Variants in COPA observed in about 807,000 individuals in gnomAD.
COPA encodes the protein coat protein complex I subunit alpha.
COPA carries 10 observed loss-of-function variants against 158.7 expected under a neutral mutation model. That is an observed-to-expected ratio of 0.06 (90% CI 0.04 to 0.11). The LOEUF (loss-of-function observed/expected upper bound fraction) is 0.11. Ranked by LOEUF, COPA falls within the 10% of genes least tolerant of loss-of-function variation. The probability of loss-of-function intolerance (pLI) is 1.00; values close to 1 mark genes in which losing one functional copy is unlikely to be tolerated. For synonymous variants in COPA, 462 were observed against 542.8 expected (o/e 0.85, Z 2.07); for missense variants, 1,065 against 1,536.7 (o/e 0.69, Z 5.13).
At chr1:160,329,319 T>G (rs1331355148) in intron 6 of COPA, among the ~76,000 whole-genome samples, 2 of 152,138 alleles carry the variant, frequency 1.3e-5, no homozygotes, top group Admixed American at 1.3e-4. Context: ...ATTCTTACTA[T>G]CACATAAATA....
chr1:160,318,481 A>AC (rs1557870017), intron 8 of COPA, among the ~76,000 whole-genome samples: 7 of 67,216 alleles, frequency 1.0e-4, no homozygotes, highest in South Asian at 6.5e-4. Context: ...AAAAAAAAAA[A>AC]AAAAAAAAAA....
chr1:160,311,778 T>A lies in COPA; in HGVS notation c.1076+90A>T, dbSNP rs1658975527. On this transcript the variant is annotated intron_variant, in intron 11 of 32. Coordinates refer to ENST00000241704, the MANE Select transcript of COPA (RefSeq NM_004371.4). ...AAATTAAATAAATAAAATAAATAAATGAAAGAAAGAAAAGAAGAGTCTTGT... is the reference window on the plus strand; with the variant it reads ...AAATTAAATAAATAAAATAAATAAAAGAAAGAAAGAAAAGAAGAGTCTTGT... 5.0e-6 allele frequency: 6 copies of A among 1,204,350 alleles called. 1 individual carries two copies. The South Asian group carries it at 1.1e-4, about 23-fold the overall frequency. 74.6% of individuals were successfully genotyped at this position (1,204,350 alleles called of 1,614,324 possible).
At chr1:160,311,761 TAAATA>T (rs1429637360) in intron 11 of COPA, 102 bp downstream of exon 11, 7 of 1,111,514 alleles carry the variant, frequency 6.3e-6, no homozygotes, top group Non-Finnish European at 8.1e-6. Context: ...AAAAATTAAA[TAAATA>T]AAATAAATAA....
In COPA at chr1:160,333,677, T is replaced by C. The variant is rs757452633; in HGVS notation, c.312A>G (p.Glu104=). The change falls in exon 5 of 33, where the codon GAA becomes GAG. Residue 104 remains glutamate, a splice_region_variant and synonymous_variant. Transcript: ENST00000241704. ...CGGAGGCACTCAGAATCCAGGGATA[T>C]TCCTGAAAGATATTCCAGACAAAGG... ...DYIRTTFFHH[E]YPWILSASDD... 15 of 1,611,166 alleles carry C rather than the reference T, an allele frequency of 9.3e-6. No homozygotes were observed. The Admixed American group carries it at 2.3e-4, about 25-fold the overall frequency.
At chr1:160,305,961 C>A in intron 15 of COPA, 188 bp from the exon 16 acceptor site, 1 of 614,110 alleles carries the variant, frequency 1.6e-6, no homozygotes, top group Non-Finnish European at 2.9e-6. Context: ...TCACATTGTG[C>A]ACTTACCCCT....
intron 17 of COPA, among the ~76,000 whole-genome samples, chr1:160,301,329 T>C (rs1023989296): frequency 7.2e-5 from 11 of 151,984 alleles, no homozygotes; most frequent in African/African-American, 1.9e-4. Context: ...TGGAGCAGTA[T>C]GGATTTCAGA....
chr1:160,340,346 C>A (rs753397665), intron 1 of COPA, 52 bp from the exon 2 acceptor site: 8 of 1,129,616 alleles, frequency 7.1e-6, no homozygotes, highest in Non-Finnish European at 1.1e-5. Flanking sequence ...CATGATGTCA[C>A]CTTCTGTCAA....
chr1:160,298,031 A>T (rs1658470780), intron 19 of COPA, among the ~76,000 whole-genome samples: 1 of 152,028 alleles, frequency 6.6e-6, no homozygotes, highest in Non-Finnish European at 1.5e-5. Flanking sequence ...TACAAAAAAA[A>T]TTAGCTGGGA....
chr1:160,304,815 A>G (rs935336370), intron 17 of COPA, among the ~76,000 whole-genome samples: 1 of 152,224 alleles, frequency 6.6e-6, no homozygotes, highest in Non-Finnish European at 1.5e-5. Flanking sequence ...TTGTTCATAC[A>G]AGCCAAAAAC....
rs757736121 is a variant in COPA, at chr1:160,290,631, T to A, written c.3476A>T (p.Asn1159Ile). 2 of 1,614,202 alleles carry A rather than the reference T, an allele frequency of 1.2e-6. No individual in the cohort carries two copies. Among genetic ancestry groups the A allele is most frequent in the East Asian group, 4.5e-5 (2 of 44,890 alleles). Residue 1159 changes from asparagine (N) to isoleucine (I), a missense_variant, in exon 32 of 33, where the codon AAT becomes ATT. This residue lies in a region of COPA where 980 missense variants were observed against 1,357.8 expected (regional missense o/e 0.72). Transcript: ENST00000241704. ...GTCAAAGGGGTTGTGCATGTCATAA[T>A]TGAGCTGGTAGGCATCTGTGGGATT... ...EKNPTDAYQLNYDMHNPFDIC... is the reference protein window; with the variant it reads ...EKNPTDAYQLIYDMHNPFDIC...
At chr1:160,297,808 C>G (rs1282648290) in intron 19 of COPA, 63 bp from the exon 20 acceptor site, 32 of 1,518,462 alleles carry the variant, frequency 2.1e-5, no homozygotes, top group East Asian at 4.5e-5. Context: ...ACCAAGGACT[C>G]TGCAAAGCAT....
chr1:160,319,040 A>G (rs916569742), intron 8 of COPA, among the ~76,000 whole-genome samples: 2 of 152,116 alleles, frequency 1.3e-5, no homozygotes, highest in African/African-American at 2.4e-5. Flanking sequence ...TTGCTTATCA[A>G]TAATATCACT....
At chr1:160,318,008 A>G (rs1479266984) in intron 8 of COPA, among the ~76,000 whole-genome samples, 1 of 152,204 alleles carries the variant, frequency 6.6e-6, no homozygotes, top group Non-Finnish European at 1.5e-5. Context: ...AAGATTGACC[A>G]ATGCAAGCGT....
chr1:160,304,417 G>GC (rs894975631), intron 17 of COPA, among the ~76,000 whole-genome samples: 2 of 151,350 alleles, frequency 1.3e-5, no homozygotes, highest in Non-Finnish European at 2.9e-5. Flanking sequence ...TGTAATCCCA[G>GC]CACTTTGGGG....
chr1:160,306,235 G>T, intron 15 of COPA, 119 bp downstream of exon 15: 2 of 1,145,844 alleles, frequency 1.7e-6, no homozygotes, highest in Non-Finnish European at 2.5e-6. Context: ...AAAGAGTCTT[G>T]GAGCACAAGA....
At chr1:160,336,449 G>A (rs989444977) in intron 3 of COPA, among the ~76,000 whole-genome samples, 1 of 152,098 alleles carries the variant, frequency 6.6e-6, no homozygotes, top group Non-Finnish European at 1.5e-5. Flanking sequence ...TACATGTGTG[G>A]TCTGTACTCA....
chr1:160,294,808 T>C lies in COPA; in HGVS notation c.2526A>G (p.Thr842=), dbSNP rs1658347201. The part of the protein sequence containing the change: ...AADIDIDTVG[T]EGWGEDAELQ... ...GCTCTGCATCCTCTCCCCAGCCCTC[T>C]GTACCAACAGTGTCAATGTCAATGT... Residue 842 remains threonine, a synonymous_variant, in exon 24 of 33, where the codon ACA becomes ACG. Transcript: ENST00000241704. 7 of 1,614,178 alleles carry C rather than the reference T, an allele frequency of 4.3e-6. No individual in the cohort carries two copies. The East Asian group carries it at 1.6e-4, about 36-fold the overall frequency.
At chr1:160,298,051 C>T (rs1475158883) in intron 19 of COPA, among the ~76,000 whole-genome samples, 1 of 151,944 alleles carries the variant, frequency 6.6e-6, no homozygotes, top group Non-Finnish European at 1.5e-5. Context: ...AATCATGGTG[C>T]ACGCCTGTAG....
chr1:160,305,309 A>G, intron 17 of COPA, 124 bp downstream of exon 17: 1 of 932,210 alleles, frequency 1.1e-6, no homozygotes, highest in South Asian at 1.6e-5. Context: ...CCCCTTGCAC[A>G]TATATGCCAG....
Sources: gnomAD v4.1 joint callset for allele counts (sites outside exome capture counted in the v4.1 genomes callset) on GRCh38, gnomAD v4.1.1 for gene constraint, gnomAD v4.1.1 regional missense constraint, MANE v1.5 for transcripts, NCBI Gene and HGNC (gene_info 2026-07-23, HGNC 2026-07-21) for gene names.